RTN3: variants seen among roughly 807,000 people sequenced by gnomAD.
The protein encoded by RTN3 is reticulon 3.
In RTN3, 49 loss-of-function variants were observed where a neutral mutation model predicts 77.8. That is an observed-to-expected ratio of 0.63 (90% CI 0.50 to 0.80). The LOEUF is 0.80. RTN3 is among the 30% of genes least tolerant of loss of function. The probability of loss-of-function intolerance (pLI) is 0.00; values close to 1 mark genes in which losing one functional copy is unlikely to be tolerated. For missense variants in RTN3, 1,236 were observed against 1,211.9 expected (o/e 1.02, Z -0.29); for synonymous variants, 464 against 446.9 (o/e 1.04, Z -0.48).
chr11:63,687,822 T>TA (rs1393141912), intron 1 of RTN3, among the ~76,000 whole-genome samples: 2 of 152,212 alleles, frequency 1.3e-5, no homozygotes, highest in Non-Finnish European at 2.9e-5. Flanking sequence ...CACATATTAA[T>TA]AGATACCACA....
At chr11:63,706,682 A>G (rs1942507972) in intron 2 of RTN3, among the ~76,000 whole-genome samples, 2 of 152,146 alleles carry the variant, frequency 1.3e-5, no homozygotes, top group African/African-American at 4.8e-5. Context: ...TGAAGTAGTT[A>G]TATTGTTCTT....
chr11:63,742,949 C>T (rs776780709), intron 3 of RTN3, among the ~76,000 whole-genome samples: 1 of 152,174 alleles, frequency 6.6e-6, no homozygotes, highest in Non-Finnish European at 1.5e-5. Flanking sequence ...GGCGCGATCT[C>T]AGCTCGCTGC....
chr11:63,692,629 C>T (rs1362653324), intron 1 of RTN3, among the ~76,000 whole-genome samples: 2 of 152,022 alleles, frequency 1.3e-5, no homozygotes, highest in Admixed American at 1.3e-4. Flanking sequence ...GGCGTGGTGG[C>T]ATGCGCCTGT....
At chr11:63,752,449 G>A (rs901497264) in intron 4 of RTN3, 58 bp from the exon 5 acceptor site, 3 of 1,542,404 alleles carry the variant, frequency 1.9e-6, no homozygotes, top group South Asian at 2.3e-5. Flanking sequence ...AGTAACTACT[G>A]TGCTAACAAA....
At chr11:63,743,141 T>TC (rs2013585919) in intron 3 of RTN3, among the ~76,000 whole-genome samples, 1 of 152,190 alleles carries the variant, frequency 6.6e-6, no homozygotes. Context: ...CCTCTGGTGA[T>TC]CCGCCTGCCT....
intron 3 of RTN3, among the ~76,000 whole-genome samples, chr11:63,741,929 C>A: frequency 6.6e-6 from 1 of 151,606 alleles, no homozygotes; most frequent in Non-Finnish European, 1.5e-5. Flanking sequence ...TATTTAAAAT[C>A]AGGTCATGTT....
At chr11:63,744,204 T>C (rs1198484288) in intron 3 of RTN3, among the ~76,000 whole-genome samples, 2 of 115,068 alleles carry the variant, frequency 1.7e-5, no homozygotes, top group Admixed American at 1.3e-4. Flanking sequence ...ACCACACCAT[T>C]GCACTCGAGC....
intron 3 of RTN3, among the ~76,000 whole-genome samples, chr11:63,738,672 T>TA (rs1180160168): frequency 1.3e-5 from 2 of 151,510 alleles, no homozygotes; most frequent in Non-Finnish European, 2.9e-5. Context: ...GACAGACTAC[T>TA]AAACCTTGAA....
chr11:63,692,271 C>T (rs1941701987), intron 1 of RTN3, among the ~76,000 whole-genome samples: 1 of 152,166 alleles, frequency 6.6e-6, no homozygotes, highest in South Asian at 2.1e-4. Flanking sequence ...CGTCCATCAA[C>T]CTCGGCCTCC....
intron 8 of RTN3, among the ~76,000 whole-genome samples, chr11:63,757,668 A>G (rs1310422578): frequency 6.6e-6 from 1 of 151,746 alleles, no homozygotes; most frequent in Non-Finnish European, 1.5e-5. Flanking sequence ...TGAATTATTC[A>G]TAGCAAATAC....
chr11:63,755,190 A>G (rs1001741252), intron 7 of RTN3, among the ~76,000 whole-genome samples: 1 of 152,098 alleles, frequency 6.6e-6, no homozygotes, highest in Non-Finnish European at 1.5e-5. Flanking sequence ...TAGATTAGAC[A>G]CACAGTTTCT....
chr11:63,731,236 A>G (rs546999778), intron 3 of RTN3, among the ~76,000 whole-genome samples: 2 of 152,040 alleles, frequency 1.3e-5, no homozygotes, highest in African/African-American at 4.8e-5. Context: ...GCGTACCACC[A>G]CGCCCACTAA....
chr11:63,752,169 T>TAA (rs11297692), intron 4 of RTN3, among the ~76,000 whole-genome samples: 49 of 134,162 alleles, frequency 3.7e-4, no homozygotes, highest in African/African-American at 9.5e-4. Context: ...TTAAAACTGC[T>TAA]AAAAAAAAAA....
intron 3 of RTN3, among the ~76,000 whole-genome samples, chr11:63,747,770 A>G (rs146116203): frequency 3.3e-5 from 5 of 152,326 alleles, no homozygotes; most frequent in African/African-American, 1.2e-4. Flanking sequence ...GAATTACTGC[A>G]TGTCATTTAC....
At chr11:63,690,176 A>G (rs1233927746) in intron 1 of RTN3, among the ~76,000 whole-genome samples, 1 of 152,214 alleles carries the variant, frequency 6.6e-6, no homozygotes, top group African/African-American at 2.4e-5. Context: ...CCTCATTGGT[A>G]GCTCGCCCTT....
chr11:63,689,511 A>G (rs1465078442), intron 1 of RTN3, among the ~76,000 whole-genome samples: 1 of 152,210 alleles, frequency 6.6e-6, no homozygotes, highest in African/African-American at 2.4e-5. Context: ...TTGCAACCTC[A>G]GAGAGAATCT....
intron 7 of RTN3, among the ~76,000 whole-genome samples, chr11:63,754,217 G>T (rs1307838546): frequency 6.6e-6 from 1 of 152,156 alleles, no homozygotes; most frequent in Non-Finnish European, 1.5e-5. Flanking sequence ...AGTGAGCCGA[G>T]ATCATGTCAT....
chr11:63,709,001 A>G (rs910479795), intron 2 of RTN3, among the ~76,000 whole-genome samples: 2 of 152,218 alleles, frequency 1.3e-5, no homozygotes, highest in Admixed American at 6.5e-5. Context: ...AGTTCTATGA[A>G]GGGAAGGGAC....
chr11:63,714,186 CA>C (rs1466650760), intron 2 of RTN3: 2 of 340,958 alleles, frequency 5.9e-6, no homozygotes, highest in Admixed American at 7.9e-5. Context: ...TTCAGCTAGC[CA>C]AAAATGGTAT....
Sources: allele counts gnomAD v4.1 joint callset (sites outside exome capture counted in the v4.1 genomes callset), GRCh38; gene constraint gnomAD v4.1.1; transcripts MANE v1.5; gene names NCBI Gene and HGNC (gene_info 2026-07-23, HGNC 2026-07-21).